Variants in SGCG observed in about 807,000 individuals in gnomAD.
The protein encoded by SGCG is gamma-sarcoglycan.
SGCG carries 26 observed loss-of-function variants against 29.3 expected under a neutral mutation model. The observed-to-expected ratio is 0.89, with a 90% confidence interval of 0.65 to 1.23. The LOEUF (loss-of-function observed/expected upper bound fraction) is 1.23. SGCG is among the 50% of genes most tolerant of loss of function. The probability of loss-of-function intolerance (pLI) is 0.00; values close to 1 mark genes in which losing one functional copy is unlikely to be tolerated. For missense variants in SGCG, 353 were observed against 356.0 expected (o/e 0.99, Z 0.07); for synonymous variants, 145 against 129.7 (o/e 1.12, Z -0.80).
At chr13:23,248,514 C>G (rs955987298) in intron 3 of SGCG, among the ~76,000 whole-genome samples, 2 of 143,366 alleles carry the variant, frequency 1.4e-5, no homozygotes, top group Non-Finnish European at 3.0e-5. Flanking sequence ...TCTTGGCTAA[C>G]GCAGTGAAAC....
At chr13:23,224,859 T>C (rs1878837628) in intron 2 of SGCG, among the ~76,000 whole-genome samples, 1 of 152,060 alleles carries the variant, frequency 6.6e-6, no homozygotes, top group Non-Finnish European at 1.5e-5. Context: ...TAATTTCATC[T>C]CAACCTCCGA....
the SGCG span, among the ~76,000 whole-genome samples, chr13:23,170,331 C>G: frequency 6.6e-6 from 1 of 152,126 alleles, no homozygotes; most frequent in Non-Finnish European, 1.5e-5. Flanking sequence ...AACAAATGGA[C>G]TTTGTGATCA....
At chr13:23,235,695 G>A (rs752964853) in intron 3 of SGCG, among the ~76,000 whole-genome samples, 2 of 152,146 alleles carry the variant, frequency 1.3e-5, no homozygotes, top group South Asian at 2.1e-4. Context: ...CCTCCCTGAC[G>A]CACAAAAAGT....
intron 5 of SGCG, among the ~76,000 whole-genome samples, chr13:23,286,875 A>G (rs748605497): frequency 7.2e-5 from 11 of 152,214 alleles, no homozygotes; most frequent in Non-Finnish European, 1.3e-4. Context: ...ACACTTATGA[A>G]TTGTTTATTT....
chr13:23,291,335 T>G (rs1473184293), intron 5 of SGCG, among the ~76,000 whole-genome samples: 1 of 144,022 alleles, frequency 6.9e-6, no homozygotes, highest in Non-Finnish European at 1.5e-5. Context: ...ATAATATGTT[T>G]CATTTTCCAC....
At chr13:23,200,799 A>T (rs747099172) in intron 1 of SGCG, among the ~76,000 whole-genome samples, 6 of 152,142 alleles carry the variant, frequency 3.9e-5, no homozygotes, top group Non-Finnish European at 8.8e-5. Flanking sequence ...CCATGCAGGC[A>T]TCGGGAGACC....
chr13:23,274,803 C>T (rs915286999), intron 4 of SGCG, among the ~76,000 whole-genome samples: 4 of 152,112 alleles, frequency 2.6e-5, no homozygotes, highest in Non-Finnish European at 5.9e-5. Context: ...ATATAGCCAG[C>T]GTGGTCATCA....
intron 5 of SGCG, among the ~76,000 whole-genome samples, chr13:23,282,933 G>A (rs141918170): frequency 2.0e-5 from 3 of 152,296 alleles, no homozygotes; most frequent in Non-Finnish European, 4.4e-5. Context: ...GCTTTTGAGT[G>A]AGTTTCTTAA....
chr13:23,203,952 A>G, intron 2 of SGCG, 63 bp downstream of exon 2: 1 of 1,172,270 alleles, frequency 8.5e-7, no homozygotes, highest in Non-Finnish European at 1.3e-6. Flanking sequence ...CTTAGTCTGT[A>G]TTGTATTGAT....
intron 2 of SGCG, among the ~76,000 whole-genome samples, chr13:23,221,326 G>GT: frequency 6.6e-6 from 1 of 152,138 alleles, no homozygotes; most frequent in East Asian, 1.9e-4. Context: ...CAAGTTAAAA[G>GT]TTTTTTTGAA....
At chr13:23,266,204 G>A (rs1393258470) in intron 4 of SGCG, among the ~76,000 whole-genome samples, 1 of 151,732 alleles carries the variant, frequency 6.6e-6, no homozygotes, top group Non-Finnish European at 1.5e-5. Context: ...CCTGGGAGGT[G>A]GAGGTTGCAG....
chr13:23,286,761 C>T (rs1159739592), intron 5 of SGCG, among the ~76,000 whole-genome samples: 1 of 152,132 alleles, frequency 6.6e-6, no homozygotes, highest in Non-Finnish European at 1.5e-5. Flanking sequence ...CTCAGAATAT[C>T]TTATTTGACT....
At chr13:23,288,054 A>G (rs955868971) in intron 5 of SGCG, among the ~76,000 whole-genome samples, 1 of 152,172 alleles carries the variant, frequency 6.6e-6, no homozygotes, top group African/African-American at 2.4e-5. Flanking sequence ...CGCCCAGCCA[A>G]TAAGAATGTT....
At chr13:23,194,974 T>C (rs1033597222) in intron 1 of SGCG, among the ~76,000 whole-genome samples, 20 of 152,226 alleles carry the variant, frequency 1.3e-4, no homozygotes, top group Non-Finnish European at 1.3e-4. Flanking sequence ...TTCCTCCATA[T>C]AGTTCTTTGT....
At chr13:23,172,728 C>CTGATATGTAGGTA in the SGCG span, among the ~76,000 whole-genome samples, 1 of 152,230 alleles carries the variant, frequency 6.6e-6, no homozygotes, top group Non-Finnish European at 1.5e-5. Flanking sequence ...GGTATCAAGA[C>CTGATATGTAGGTA]TCAGTCTCTG....
chr13:23,230,266 CTCTTT>C (rs1160956931), intron 2 of SGCG, among the ~76,000 whole-genome samples: 1 of 152,164 alleles, frequency 6.6e-6, no homozygotes, highest in African/African-American at 2.4e-5. Flanking sequence ...CTAATTCGGG[CTCTTT>C]TCTTTTTGTT....
chr13:23,176,335 T>A (rs1230021547), upstream of SGCG, among the ~76,000 whole-genome samples: 1 of 152,122 alleles, frequency 6.6e-6, no homozygotes, highest in African/African-American at 2.4e-5. Flanking sequence ...CATAGACAAG[T>A]AATGACAACA....
At chr13:23,291,703 A>T (rs1307576174) in intron 5 of SGCG, among the ~76,000 whole-genome samples, 1 of 152,230 alleles carries the variant, frequency 6.6e-6, no homozygotes. Flanking sequence ...ATCACTAATT[A>T]TAGTTACATT....
intron 6 of SGCG, among the ~76,000 whole-genome samples, chr13:23,301,557 A>G (rs1357586274): frequency 7.2e-5 from 11 of 152,202 alleles, no homozygotes. Flanking sequence ...TATTAATAGC[A>G]GACAGAATCA....
Sources: allele counts gnomAD v4.1 joint callset (sites outside exome capture counted in the v4.1 genomes callset), GRCh38; gene constraint gnomAD v4.1.1; transcripts MANE v1.5; gene names NCBI Gene and HGNC (gene_info 2026-07-23, HGNC 2026-07-21).